The following FMN1 variants were observed in gnomAD, a reference collection of about 807,000 sequenced individuals.
FMN1 encodes formin 1, also known as formin-1.
Under a neutral mutation model 132.4 loss-of-function variants are expected in FMN1, and 110 were observed. The ratio of observed to expected loss-of-function variants is 0.83; its 90% CI spans 0.71 to 0.97. The LOEUF is 0.97. Ranked by LOEUF, FMN1 falls within the 50% of genes least tolerant of loss-of-function variation. The pLI is 0.00. For missense variants in FMN1, 1,792 were observed against 1,705.3 expected (o/e 1.05, Z -0.90); for synonymous variants, 722 against 651.7 (o/e 1.11, Z -1.64).
intron 7 of FMN1, among the ~76,000 whole-genome samples, chr15:32,975,255 G>A (rs2032109445): frequency 6.6e-6 from 1 of 151,952 alleles, no homozygotes; most frequent in African/African-American, 2.4e-5. Context: ...TATCTTCTTT[G>A]CAAATCTAAA....
chr15:33,027,216 C>T (rs2035718629), intron 6 of FMN1, among the ~76,000 whole-genome samples: 1 of 151,986 alleles, frequency 6.6e-6, no homozygotes, highest in African/African-American at 2.4e-5. Flanking sequence ...GAAGCCTAGC[C>T]CATACCTCCA....
Position 33,018,639 on chromosome 15 carries a change from T to C in FMN1, c.2162-10564A>G, listed in dbSNP as rs553484429. Among the ~76,000 whole-genome samples, 32 of 152,268 alleles carry C rather than the reference T, an allele frequency of 2.1e-4. 1 individual carries two copies. The highest frequency in any genetic ancestry group is 6.2e-4 in the South Asian group (3 of 4,826). ...CTCTTCATCTGTATCCTTTGTACCATTGTGTCCGGAATTGGTGTGTTCTTG... is the reference window on the plus strand; with the variant it reads ...CTCTTCATCTGTATCCTTTGTACCACTGTGTCCGGAATTGGTGTGTTCTTG... On this transcript the variant is annotated intron_variant, in intron 6 of 20. Coordinates refer to ENST00000616417, the MANE Select transcript of FMN1 (RefSeq NM_001277313.2).
intron 9 of FMN1, among the ~76,000 whole-genome samples, chr15:32,949,974 TATATACACACAC>T (rs1228429037): frequency 5.7e-5 from 3 of 52,800 alleles, no homozygotes; most frequent in African/African-American, 1.4e-4. Flanking sequence ...TACACACATA[TATATACACACAC>T]ATATATATAC....
intron 4 of FMN1, among the ~76,000 whole-genome samples, chr15:33,090,897 C>A (rs1376086375): frequency 6.6e-6 from 1 of 152,160 alleles, no homozygotes; most frequent in Non-Finnish European, 1.5e-5. Flanking sequence ...CCTTTGACTT[C>A]TATTTATATG....
In FMN1 at chr15:33,154,662, T is replaced by G. The variant is rs1263293268; in HGVS notation, c.253A>C (p.Thr85Pro). 1 of 1,536,132 alleles carries G rather than the reference T, an allele frequency of 6.5e-7. No homozygotes were observed. Among genetic ancestry groups the G allele is most frequent in the Admixed American group, 2.0e-5 (1 of 51,004 alleles). Residue 85 changes from threonine to proline, a missense_variant, in exon 4 of 21, where the codon ACT (threonine) becomes CCT (proline). Thr to Pro is a conservative substitution (Grantham distance 38). Around this residue, in one of 3 missense-constraint regions of FMN1, gnomAD observed 638 missense variants for 645.2 expected, o/e 0.99. Transcript: ENST00000616417. ...TCTGTTGTGAGTTTGTACAGCTCAG[T>G]TAGAATGTCTTTCGTGGGAGTCTGC... ...FKQTPTKDILTELYKLTTERE... is the reference protein window; with the variant it reads ...FKQTPTKDILPELYKLTTERE...
chr15:32,854,264 C>T (rs558863606), intron 17 of FMN1, among the ~76,000 whole-genome samples: 2 of 152,346 alleles, frequency 1.3e-5, no homozygotes, highest in East Asian at 3.9e-4. Context: ...GGATTAGCCA[C>T]ATTTCAGCTT....
At chr15:33,020,498 G>A (rs2035359261) in intron 6 of FMN1, among the ~76,000 whole-genome samples, 1 of 152,008 alleles carries the variant, frequency 6.6e-6, no homozygotes, top group Non-Finnish European at 1.5e-5. Context: ...AATACAAAAA[G>A]TAGCCGGGCG....
intron 7 of FMN1, among the ~76,000 whole-genome samples, chr15:32,991,973 T>G (rs1442568314): frequency 3.9e-5 from 6 of 152,222 alleles, no homozygotes; most frequent in African/African-American, 1.2e-4. Context: ...TTCTTTTTGA[T>G]GAGTTTTTAC....
At chr15:33,095,406 A>G (rs570307393) in intron 4 of FMN1, among the ~76,000 whole-genome samples, 19 of 152,254 alleles carry the variant, frequency 1.2e-4, no homozygotes, top group South Asian at 2.1e-4. Flanking sequence ...ACATGTATAT[A>G]TATTTTTGAG....
chr15:32,892,608 T>C (rs2141528592), intron 15 of FMN1, among the ~76,000 whole-genome samples: 1 of 152,336 alleles, frequency 6.6e-6, no homozygotes, highest in East Asian at 1.9e-4. Flanking sequence ...TTTCTCTATC[T>C]TGTGGAATAG....
chr15:33,023,027 A>T (rs1381294006), intron 6 of FMN1, among the ~76,000 whole-genome samples: 1 of 147,246 alleles, frequency 6.8e-6, no homozygotes, highest in Non-Finnish European at 1.5e-5. Context: ...AGCCTGGGTG[A>T]CAGAGCAAGA....
intron 7 of FMN1, among the ~76,000 whole-genome samples, chr15:32,983,399 A>G (rs1385003443): frequency 6.6e-6 from 1 of 152,222 alleles, no homozygotes; most frequent in Non-Finnish European, 1.5e-5. Context: ...GAAATTGTTT[A>G]CGGTAATGGA....
At chr15:33,113,691 T>C (rs2039801192) in intron 4 of FMN1, among the ~76,000 whole-genome samples, 1 of 152,050 alleles carries the variant, frequency 6.6e-6, no homozygotes, top group South Asian at 2.1e-4. Context: ...TTCTCCCCCT[T>C]CTAGACAGGG....
intron 4 of FMN1, among the ~76,000 whole-genome samples, chr15:33,111,806 G>A (rs552566325): frequency 2.6e-5 from 4 of 152,128 alleles, no homozygotes; most frequent in African/African-American, 7.2e-5. Flanking sequence ...AAAATGGTGA[G>A]TGACTTCTGA....
At chr15:33,098,915 C>T (rs1308243741) in intron 4 of FMN1, among the ~76,000 whole-genome samples, 1 of 152,120 alleles carries the variant, frequency 6.6e-6, no homozygotes, top group Non-Finnish European at 1.5e-5. Flanking sequence ...CAAGCCCATG[C>T]TTGTTTTCTG....
intron 6 of FMN1, among the ~76,000 whole-genome samples, chr15:33,058,366 T>C (rs1312248279): frequency 3.3e-5 from 5 of 152,218 alleles, no homozygotes; most frequent in Non-Finnish European, 4.4e-5. Context: ...GCACTGGTTT[T>C]ATTTTCTCTA....
chr15:32,931,914 A>G (rs952621861), intron 9 of FMN1, among the ~76,000 whole-genome samples: 6 of 152,122 alleles, frequency 3.9e-5, no homozygotes, highest in East Asian at 1.9e-4. Context: ...TCCCAGTTTG[A>G]TGAGTTTTTA....
At chr15:32,827,425 T>C (rs548379730) in intron 17 of FMN1, among the ~76,000 whole-genome samples, 48 of 152,378 alleles carry the variant, frequency 3.2e-4, no homozygotes, top group African/African-American at 1.2e-3. Context: ...TCAAGGAATC[T>C]TGTCGTTCTA....
At chr15:33,036,184 T>C (rs1254477832) in intron 6 of FMN1, among the ~76,000 whole-genome samples, 1 of 152,198 alleles carries the variant, frequency 6.6e-6, no homozygotes, top group African/African-American at 2.4e-5. Context: ...AGACACTACA[T>C]TTCTTTATTG....
Sources: allele counts gnomAD v4.1 joint callset (sites outside exome capture counted in the v4.1 genomes callset), GRCh38; gene constraint gnomAD v4.1.1; regional missense constraint gnomAD v4.1.1; transcripts MANE v1.5; gene names NCBI Gene and HGNC (gene_info 2026-07-23, HGNC 2026-07-21).